Variants in CFAP299 observed in about 807,000 individuals in gnomAD.
The protein encoded by CFAP299 is cilia and flagella associated protein 299.
Under a neutral mutation model 27.0 loss-of-function variants are expected in CFAP299, and 21 were observed. The observed-to-expected ratio is 0.78, with a 90% CI of 0.55 to 1.12. The LOEUF is 1.12. Ranked by LOEUF, CFAP299 falls within the 50% of genes most tolerant of loss-of-function variation. The probability of loss-of-function intolerance (pLI) is 0.00; values close to 1 mark genes in which losing one functional copy is unlikely to be tolerated. For synonymous variants in CFAP299, 104 were observed against 98.1 expected (o/e 1.06, Z -0.36); for missense variants, 310 against 276.6 (o/e 1.12, Z -0.86).
chr4:80,817,242 G>A (rs1729466832), intron 3 of CFAP299, among the ~76,000 whole-genome samples: 1 of 151,900 alleles, frequency 6.6e-6, no homozygotes, highest in Non-Finnish European at 1.5e-5. Flanking sequence ...TATTGCAACT[G>A]CATTATAGGT....
At chr4:80,386,923 G>T in intron 2 of CFAP299, 1 of 846,536 alleles carries the variant, frequency 1.2e-6, no homozygotes, top group South Asian at 1.3e-5. Flanking sequence ...GAGTGGTTGT[G>T]AGCGCGCAGT....
chr4:80,356,600 G>C (rs1316971764), intron 1 of CFAP299, among the ~76,000 whole-genome samples: 1 of 151,954 alleles, frequency 6.6e-6, no homozygotes, highest in Non-Finnish European at 1.5e-5. Context: ...TGTGGCAATA[G>C]TGCATGGGAG....
At chr4:80,447,650 A>G (rs972579808) in intron 2 of CFAP299, among the ~76,000 whole-genome samples, 9 of 150,358 alleles carry the variant, frequency 6.0e-5, no homozygotes, top group Non-Finnish European at 1.3e-4. Flanking sequence ...ATGGGGTTTC[A>G]CCATTTTGGC....
chr4:80,415,249 C>T (rs940440070), intron 2 of CFAP299, among the ~76,000 whole-genome samples: 7 of 152,126 alleles, frequency 4.6e-5, no homozygotes, highest in Non-Finnish European at 7.4e-5. Context: ...AATGTGTGGT[C>T]AGGCCTAAGA....
At chr4:80,562,088 A>T (rs1044964086) in intron 2 of CFAP299, among the ~76,000 whole-genome samples, 1 of 152,078 alleles carries the variant, frequency 6.6e-6, no homozygotes, top group Non-Finnish European at 1.5e-5. Flanking sequence ...CAAATAATGG[A>T]CTATAAGATA....
At chr4:80,886,432 G>C (rs1438766732) in intron 4 of CFAP299, among the ~76,000 whole-genome samples, 1 of 152,174 alleles carries the variant, frequency 6.6e-6, no homozygotes, top group East Asian at 1.9e-4. Context: ...AACTTCATTT[G>C]TTTGAAAGAA....
intron 2 of CFAP299, among the ~76,000 whole-genome samples, chr4:80,410,656 G>A (rs1726674515): frequency 6.6e-6 from 1 of 152,168 alleles, no homozygotes; most frequent in Non-Finnish European, 1.5e-5. Flanking sequence ...AATCAGCAAT[G>A]ATCATTCAAG....
chr4:80,811,173 A>G (rs907494620), intron 3 of CFAP299, among the ~76,000 whole-genome samples: 13 of 152,122 alleles, frequency 8.5e-5, no homozygotes, highest in African/African-American at 2.9e-4. Flanking sequence ...CTAATATTCA[A>G]TTTGTATATT....
At chr4:80,493,003 T>A (rs888926123) in intron 2 of CFAP299, among the ~76,000 whole-genome samples, 1 of 152,080 alleles carries the variant, frequency 6.6e-6, no homozygotes, top group Non-Finnish European at 1.5e-5. Flanking sequence ...TTATCTCCTA[T>A]CTCCAGGAAG....
At chr4:80,952,928 T>C (rs974774723) in intron 5 of CFAP299, among the ~76,000 whole-genome samples, 6 of 152,268 alleles carry the variant, frequency 3.9e-5, no homozygotes, top group African/African-American at 1.4e-4. Context: ...AGCCTTGAAA[T>C]TGATCTTCTC....
At chr4:80,744,282 A>G (rs1724455214) in intron 3 of CFAP299, among the ~76,000 whole-genome samples, 1 of 152,002 alleles carries the variant, frequency 6.6e-6, no homozygotes, top group African/African-American at 2.4e-5. Context: ...AAAGACTCCA[A>G]GGACAGCGTG....
chr4:80,959,968 T>G (rs1027394393), intron 5 of CFAP299, among the ~76,000 whole-genome samples: 7 of 151,970 alleles, frequency 4.6e-5, no homozygotes, highest in Non-Finnish European at 7.4e-5. Flanking sequence ...GTAAAGAACC[T>G]TAGCTCTTTA....
chr4:80,533,455 A>C (rs1412781295), intron 2 of CFAP299, among the ~76,000 whole-genome samples: 2 of 152,082 alleles, frequency 1.3e-5, no homozygotes, highest in African/African-American at 2.4e-5. Context: ...AGCTAGAAAA[A>C]ATTTTTTGCC....
intron 3 of CFAP299, among the ~76,000 whole-genome samples, chr4:80,793,997 G>C (rs1314050342): frequency 2.6e-5 from 4 of 152,268 alleles, no homozygotes; most frequent in African/African-American, 7.2e-5. Context: ...TTGTAGTCTT[G>C]TCTGGATTGG....
chr4:80,684,287 C>A (rs1033838341), intron 3 of CFAP299, among the ~76,000 whole-genome samples: 70 of 128,728 alleles, frequency 5.4e-4, no homozygotes, highest in African/African-American at 2.0e-3. Flanking sequence ...GGGGGGGGGA[C>A]GGAGCCTCAC....
chr4:80,548,954 G>A (rs1370712998), intron 2 of CFAP299, among the ~76,000 whole-genome samples: 7 of 151,966 alleles, frequency 4.6e-5, no homozygotes, highest in South Asian at 2.1e-4. Context: ...TCCAGGTAGC[G>A]TTTTCAGCAA....
At chr4:80,730,276 G>A (rs60772639) in intron 3 of CFAP299, among the ~76,000 whole-genome samples, 1,758 of 145,908 alleles carry the variant, frequency 0.012, 23 homozygotes, top group African/African-American at 0.033. Flanking sequence ...GTGTGTGTGT[G>A]TGTATGTGTG....
At chr4:80,492,858 C>T (rs1731210209) in intron 2 of CFAP299, among the ~76,000 whole-genome samples, 1 of 151,994 alleles carries the variant, frequency 6.6e-6, no homozygotes, top group African/African-American at 2.4e-5. Context: ...TTCAGCAGGC[C>T]CTGGGGTGAT....
intron 3 of CFAP299, chr4:80,608,333 C>G (rs1348900141): frequency 6.5e-7 from 1 of 1,527,408 alleles, no homozygotes. Context: ...TTTGTTTAAG[C>G]TAAATCAACA....
Sources: allele counts gnomAD v4.1 joint callset (sites outside exome capture counted in the v4.1 genomes callset), GRCh38; gene constraint gnomAD v4.1.1; transcripts MANE v1.5; gene names NCBI Gene and HGNC (gene_info 2026-07-23, HGNC 2026-07-21).